Variants in SNX25 observed in about 807,000 individuals in gnomAD.
The protein encoded by SNX25 is sorting nexin-25.
A neutral mutation model predicts 113.7 loss-of-function variants in SNX25; 62 were observed. The ratio of observed to expected loss-of-function variants is 0.55; its 90% CI spans 0.44 to 0.67. The LOEUF (loss-of-function observed/expected upper bound fraction) is 0.67, where lower values mean the gene tolerates loss of function less well. SNX25 is among the 30% of genes least tolerant of loss of function. SNX25 has a pLI of 0.00. For synonymous variants in SNX25, 421 were observed against 436.2 expected, an observed-to-expected ratio of 0.97 and a Z score of 0.43; for missense variants, 1,014 against 1,161.0, an observed-to-expected ratio of 0.87 and a Z score of 1.84.
intron 1 of SNX25, among the ~76,000 whole-genome samples, chr4:185,228,503 G>T (rs372673675): frequency 1.2e-5 from 1 of 85,368 alleles, no homozygotes; most frequent in African/African-American, 3.9e-5. Flanking sequence ...CTGATAGTGA[G>T]AACTATGATA....
upstream of SNX25, chr4:185,209,329 G>A (rs1737358653): frequency 6.6e-6 from 1 of 152,382 alleles, no homozygotes; most frequent in Admixed American, 6.5e-5. The surrounding 1 kb of genome is among the most constrained non-coding windows in gnomAD (Gnocchi z 5.2). Context: ...GATCACCTGA[G>A]CTCAGGAATT....
At chr4:185,250,205 GGACATA>G (rs944279661) in intron 2 of SNX25, among the ~76,000 whole-genome samples, 2 of 152,196 alleles carry the variant, frequency 1.3e-5, no homozygotes, top group Non-Finnish European at 2.9e-5. Flanking sequence ...CTCAGTCCGA[GGACATA>G]GACTTAACTC....
intron 7 of SNX25, among the ~76,000 whole-genome samples, chr4:185,319,765 C>T (rs868081678): frequency 7.9e-5 from 12 of 152,206 alleles, no homozygotes; most frequent in Non-Finnish European, 1.0e-4. Context: ...TCAGTATGTG[C>T]ATTTTAAATA....
intron 1 of SNX25, among the ~76,000 whole-genome samples, chr4:185,240,839 G>A (rs1743796718): frequency 6.6e-6 from 1 of 151,256 alleles, no homozygotes; most frequent in Admixed American, 6.6e-5. Flanking sequence ...TCACTTCTCA[G>A]ACGGGGCGGC....
At chr4:185,359,717 C>A (rs985278684) in intron 16 of SNX25, among the ~76,000 whole-genome samples, 1 of 152,164 alleles carries the variant, frequency 6.6e-6, no homozygotes, top group Admixed American at 6.5e-5. Context: ...TTTCTCAGGA[C>A]TCAGGACTTG....
At chr4:185,223,667 G>C (rs1169204944) in intron 1 of SNX25, among the ~76,000 whole-genome samples, 1 of 151,880 alleles carries the variant, frequency 6.6e-6, no homozygotes, top group East Asian at 1.9e-4. Context: ...TGTAGTCCCA[G>C]GTACTCAGGA....
chr4:185,378,575 C>T, the SNX25 span: 1 of 1,003,330 alleles, frequency 1.0e-6, no homozygotes, highest in Non-Finnish European at 1.2e-6. Context: ...GCACTGGTAC[C>T]TTCTCTGCCC....
chr4:185,214,815 G>A (rs930480293), intron 1 of SNX25, among the ~76,000 whole-genome samples: 1 of 152,206 alleles, frequency 6.6e-6, no homozygotes, highest in Non-Finnish European at 1.5e-5. Flanking sequence ...CACAAAGCAT[G>A]TGCTCAACAG....
chr4:185,325,349 C>A lies in SNX25; in HGVS notation c.1749+1549C>A, dbSNP rs558555564. Among the ~76,000 whole-genome samples, 83 of 152,060 alleles carry A rather than the reference C, an allele frequency of 5.5e-4. No individual in the cohort carries two copies. The East Asian group carries it at 0.01, about 19-fold the overall frequency. ...GAGTTTGAGACCAGCCTGGCCAACA[C>A]AGTGAAACCCCGTCTCTACTAAAAA... On this transcript the variant is annotated intron_variant, in intron 9 of 18. Transcript: ENST00000652585.
chr4:185,374,592 G>T (rs2095426987), downstream of SNX25: 4 of 952,558 alleles, frequency 4.2e-6, no homozygotes, highest in Non-Finnish European at 6.1e-6. Flanking sequence ...GTGCCCAAGG[G>T]GTACAATTGT....
chr4:185,205,623 G>A (rs2111445873), upstream of SNX25, among the ~76,000 whole-genome samples: 1 of 152,304 alleles, frequency 6.6e-6, no homozygotes, highest in South Asian at 2.1e-4. Flanking sequence ...GAGGTCAGGA[G>A]TTCCAGACCA....
downstream of SNX25, chr4:185,372,952 T>C (rs763063463): frequency 6.2e-7 from 1 of 1,613,992 alleles, no homozygotes; most frequent in Non-Finnish European, 8.5e-7. Context: ...TTCTGCTGCT[T>C]CTCTTAAGCA....
At chr4:185,372,941 G>A (rs770063174), downstream of SNX25, 91 of 1,613,778 alleles carry the variant, frequency 5.6e-5, no homozygotes, top group African/African-American at 8.0e-5. Context: ...ACGTTTCCGC[G>A]TTCTGCTGCT....
intron 1 of SNX25, among the ~76,000 whole-genome samples, chr4:185,240,658 C>G (rs188660959): frequency 0.021 from 3,220 of 150,798 alleles, 44 homozygotes; most frequent in Non-Finnish European, 0.033. Flanking sequence ...GGCTAACCCC[C>G]CCACCTCCCT....
chr4:185,225,891 C>T (rs1278710737), intron 1 of SNX25, among the ~76,000 whole-genome samples: 1 of 152,194 alleles, frequency 6.6e-6, no homozygotes, highest in East Asian at 1.9e-4. Context: ...CTGGAGTCTA[C>T]ACACTTAAAC....
intron 6 of SNX25, among the ~76,000 whole-genome samples, chr4:185,302,411 C>G (rs1039671442): frequency 6.6e-6 from 1 of 152,062 alleles, no homozygotes; most frequent in East Asian, 1.9e-4. Context: ...GAACCCTCCC[C>G]CTGTGGGATC....
intron 6 of SNX25, among the ~76,000 whole-genome samples, chr4:185,307,047 A>G (rs1331292160): frequency 2.0e-5 from 3 of 152,208 alleles, no homozygotes; most frequent in African/African-American, 7.2e-5. Flanking sequence ...GAACAAGTCC[A>G]TGTATTGACC....
chr4:185,302,203 T>C (rs924116690), intron 6 of SNX25, among the ~76,000 whole-genome samples: 1 of 151,988 alleles, frequency 6.6e-6, no homozygotes, highest in African/African-American at 2.4e-5. Flanking sequence ...CCCAAAGTGC[T>C]GGGATTACAT....
chr4:185,248,886 C>T (rs891976817), intron 2 of SNX25, among the ~76,000 whole-genome samples: 2 of 152,172 alleles, frequency 1.3e-5, no homozygotes, highest in Admixed American at 1.3e-4. Flanking sequence ...TCTTCTAAAA[C>T]TTTATGGAAA....
Sources: allele counts gnomAD v4.1 joint callset (sites outside exome capture counted in the v4.1 genomes callset), GRCh38; gene constraint gnomAD v4.1.1; non-coding constraint Gnocchi (gnomAD v3.1); transcripts MANE v1.5; gene names NCBI Gene and HGNC (gene_info 2026-07-23, HGNC 2026-07-21).